GREM2: variants seen among roughly 807,000 people sequenced by gnomAD.
GREM2 encodes the protein gremlin 2, DAN family BMP antagonist, also known as gremlin-2.
In GREM2, 11 loss-of-function variants were observed where a neutral mutation model predicts 14.2. That is an observed-to-expected ratio of 0.78 (90% CI 0.49 to 1.28). The LOEUF (loss-of-function observed/expected upper bound fraction) is 1.28, where lower values mean the gene tolerates loss of function less well. Among genes scored for constraint, GREM2 ranks in the 50% most tolerant of loss-of-function variants. The pLI, the probability that GREM2 is intolerant of heterozygous loss-of-function variation, is 0.00. For synonymous variants in GREM2, 98 were observed against 97.6 expected (o/e 1.00, Z -0.02); for missense variants, 210 against 218.5 (o/e 0.96, Z 0.24).
At chr1:240,537,470 G>T (rs1192007490) in intron 1 of GREM2, among the ~76,000 whole-genome samples, 1 of 152,052 alleles carries the variant, frequency 6.6e-6, no homozygotes, top group East Asian at 1.9e-4. Flanking sequence ...AAAAGAGGGG[G>T]AAAGGAGTTG....
rs530481742 is a variant in GREM2, at chr1:240,490,181, G to A, written c.*2788C>T. On this transcript the variant is annotated 3_prime_UTR_variant, in exon 2 of 2. Coordinates refer to ENST00000318160, the MANE Select transcript of GREM2 (RefSeq NM_022469.4). The stretch of plus-strand genomic sequence containing the variant: ...GACTTCCATTGCTGCAGTTTCTCAA[G>A]GTTTCCTTGTTTAGTGTTTCTCCTT... 1 of 152,338 alleles carries A rather than the reference G, an allele frequency of 6.6e-6. No homozygotes were observed. The highest frequency in any genetic ancestry group is 1.9e-4 in the East Asian group (1 of 5,174). 9.4% of individuals were successfully genotyped at this position (152,338 alleles called of 1,614,324 possible). A position where few individuals can be genotyped will look rare whatever the true frequency, so the allele number is the denominator to read the frequency against.
intron 1 of GREM2, among the ~76,000 whole-genome samples, chr1:240,575,973 A>G (rs1340539728): frequency 6.6e-6 from 1 of 152,196 alleles, no homozygotes; most frequent in Non-Finnish European, 1.5e-5. Context: ...AATGTTATCA[A>G]TGGTAAAACC....
intron 1 of GREM2, among the ~76,000 whole-genome samples, chr1:240,509,958 C>T (rs1383637571): frequency 6.6e-6 from 1 of 152,180 alleles, no homozygotes; most frequent in Non-Finnish European, 1.5e-5. Flanking sequence ...CATGTGGAAG[C>T]TACGGTTAAG....
intron 1 of GREM2, among the ~76,000 whole-genome samples, chr1:240,549,126 G>A (rs547522928): frequency 4.6e-5 from 7 of 152,046 alleles, no homozygotes; most frequent in South Asian, 4.2e-4. Flanking sequence ...ACCTGAGGTC[G>A]GGAGTTCAAA....
intron 1 of GREM2, among the ~76,000 whole-genome samples, chr1:240,512,844 C>A (rs1677863141): frequency 6.6e-6 from 1 of 151,986 alleles, no homozygotes; most frequent in Non-Finnish European, 1.5e-5. Context: ...CTCTATAATC[C>A]CAATTCCTGT....
chr1:240,539,918 GT>G (rs1190325040), intron 1 of GREM2, among the ~76,000 whole-genome samples: 1 of 151,928 alleles, frequency 6.6e-6, no homozygotes, highest in Non-Finnish European at 1.5e-5. Context: ...CTCCTCTTTT[GT>G]TTTCTCAAAA....
At position 240,542,677 on chromosome 1, in the gene GREM2, G is replaced by T. The variant is rs765560514; in HGVS notation, c.-1-49201C>A. Among the ~76,000 whole-genome samples the T allele has an allele frequency of 3.9e-5, 6 of 151,962 alleles. No individual in the cohort carries two copies. Among genetic ancestry groups the T allele is most frequent in the Non-Finnish European group, 7.4e-5 (5 of 67,968 alleles). The stretch of plus-strand genomic sequence containing the variant: ...AGAGCTGATATATTTTTCTCAGAAG[G>T]CTTGATCACACTTTGGATTTTTTTT... On this transcript the variant is annotated intron_variant, in intron 1 of 1. Coordinates refer to ENST00000318160, the MANE Select transcript of GREM2 (RefSeq NM_022469.4). The surrounding 1 kb of genome is among the most constrained non-coding windows in gnomAD (Gnocchi z 4.1).
chr1:240,499,367 ATTT>A (rs925680292), intron 1 of GREM2, among the ~76,000 whole-genome samples: 3 of 152,108 alleles, frequency 2.0e-5, no homozygotes, highest in African/African-American at 7.2e-5. Context: ...CAACCTGAGG[ATTT>A]TATGGCATTC....
chr1:240,524,883 A>G (rs546603227), intron 1 of GREM2, among the ~76,000 whole-genome samples: 2 of 152,278 alleles, frequency 1.3e-5, no homozygotes, highest in South Asian at 4.1e-4. Flanking sequence ...ATGTTGAAGC[A>G]ATGGGATTTA....
At position 240,493,218 on chromosome 1, in the gene GREM2, G is replaced by C; in HGVS notation, c.258C>G (p.Gly86=). The change falls in exon 2 of 2, where the codon GGC becomes GGG. Residue 86 remains glycine (G), a synonymous_variant. Transcript: ENST00000318160. ...GGTTGAGGATGGTGCGGCTCCGGCA[G>C]CCCTCCTCGCTCACCGTCTGCCGCA... ...QPLRQTVSEE[G]CRSRTILNRF... 6.2e-7 allele frequency: 1 copy of C among 1,614,064 alleles called. No homozygotes were observed. Among genetic ancestry groups the C allele is most frequent in the Non-Finnish European group, 8.5e-7 (1 of 1,180,042 alleles).
intron 1 of GREM2, among the ~76,000 whole-genome samples, chr1:240,581,611 G>A (rs1297805091): frequency 6.6e-6 from 1 of 152,076 alleles, no homozygotes; most frequent in African/African-American, 2.4e-5. Flanking sequence ...TCTATCAAAA[G>A]TAATTATTTT....
At chr1:240,496,521 C>T (rs1326606810) in intron 1 of GREM2, among the ~76,000 whole-genome samples, 1 of 152,200 alleles carries the variant, frequency 6.6e-6, no homozygotes, top group African/African-American at 2.4e-5. Context: ...TGGACGTCAC[C>T]GTCTCCTCCT....
intron 1 of GREM2, among the ~76,000 whole-genome samples, chr1:240,605,406 G>A (rs1026766336): frequency 1.3e-5 from 2 of 152,140 alleles, no homozygotes. Context: ...GAACGTGAGA[G>A]GTTGAGGCTG....
intron 1 of GREM2, among the ~76,000 whole-genome samples, chr1:240,528,414 G>A (rs765296864): frequency 6.6e-6 from 1 of 152,078 alleles, no homozygotes; most frequent in African/African-American, 2.4e-5. Flanking sequence ...CCAAATGGCC[G>A]TGATTCTCAC....
At chr1:240,573,043 A>T (rs1441997881) in intron 1 of GREM2, among the ~76,000 whole-genome samples, 2 of 152,356 alleles carry the variant, frequency 1.3e-5, no homozygotes, top group African/African-American at 4.8e-5. Context: ...AAAGTGAGGC[A>T]GTTGGCTTCC....
chr1:240,580,194 C>T (rs146977275), intron 1 of GREM2, among the ~76,000 whole-genome samples: 389 of 152,200 alleles, frequency 2.6e-3, no homozygotes, highest in African/African-American at 9.0e-3. Flanking sequence ...AGTTCGAGAC[C>T]AGCCTGGACC....
intron 1 of GREM2, among the ~76,000 whole-genome samples, chr1:240,510,147 A>G (rs780637295): frequency 3.9e-5 from 6 of 152,044 alleles, no homozygotes; most frequent in Admixed American, 2.6e-4. Flanking sequence ...AGGCGGGCGG[A>G]TCACGAGGTC....
At chr1:240,501,641 C>T (rs964680051) in intron 1 of GREM2, among the ~76,000 whole-genome samples, 3 of 152,050 alleles carry the variant, frequency 2.0e-5, no homozygotes, top group Non-Finnish European at 4.4e-5. Context: ...CGTTTATACA[C>T]AAGTGGGCTG....
intron 1 of GREM2, among the ~76,000 whole-genome samples, chr1:240,565,405 G>T (rs1442826319): frequency 7.9e-5 from 12 of 152,116 alleles, no homozygotes; most frequent in Admixed American, 7.9e-4. Context: ...TTGAAGTGAG[G>T]AAGGCTTCAG....
Sources: gnomAD v4.1 joint callset for allele counts (sites outside exome capture counted in the v4.1 genomes callset) on GRCh38, gnomAD v4.1.1 for gene constraint, Gnocchi (gnomAD v3.1) non-coding constraint, MANE v1.5 for transcripts, NCBI Gene and HGNC (gene_info 2026-07-23, HGNC 2026-07-21) for gene names.